Variants in CDIN1 observed in about 807,000 individuals in gnomAD.
The protein encoded by CDIN1 is CDAN1-interacting nuclease 1.
CDIN1 carries 33 observed loss-of-function variants against 45.3 expected under a neutral mutation model. The ratio of observed to expected loss-of-function variants is 0.73; its 90% CI spans 0.55 to 0.97. The LOEUF (loss-of-function observed/expected upper bound fraction) is 0.97. Among genes scored for constraint, CDIN1 ranks in the 50% least tolerant of loss-of-function variants. The pLI, the probability that CDIN1 is intolerant of heterozygous loss-of-function variation, is 0.00. For synonymous variants in CDIN1, 118 were observed against 124.4 expected (o/e 0.95, Z 0.34); for missense variants, 303 against 339.4 (o/e 0.89, Z 0.84).
At chr15:36,672,092 A>C (rs1305208817) in intron 5 of CDIN1, among the ~76,000 whole-genome samples, 1 of 152,122 alleles carries the variant, frequency 6.6e-6, no homozygotes, top group Non-Finnish European at 1.5e-5. Context: ...TTGCTTTGGC[A>C]TAAAAAGTGG....
At chr15:36,741,629 G>GT (rs2044242752) in intron 10 of CDIN1, among the ~76,000 whole-genome samples, 1 of 152,112 alleles carries the variant, frequency 6.6e-6, no homozygotes, top group South Asian at 2.1e-4. Context: ...TGACATCAAA[G>GT]TATCGGCAGG....
chr15:36,806,167 AT>A (rs2055219722), intron 10 of CDIN1, among the ~76,000 whole-genome samples: 1 of 152,194 alleles, frequency 6.6e-6, no homozygotes, highest in Non-Finnish European at 1.5e-5. Context: ...CAGGTTCACA[AT>A]CTTGCAAAAC....
chr15:36,585,166 T>G (rs1169628469), intron 1 of CDIN1, among the ~76,000 whole-genome samples: 2 of 152,238 alleles, frequency 1.3e-5, no homozygotes, highest in Admixed American at 1.3e-4. Context: ...AATTTTAAGC[T>G]TGCAGAAAAG....
At chr15:36,610,615 T>C (rs1230238633) in intron 1 of CDIN1, among the ~76,000 whole-genome samples, 1 of 152,176 alleles carries the variant, frequency 6.6e-6, no homozygotes, top group Non-Finnish European at 1.5e-5. Flanking sequence ...GCTTTATGTG[T>C]AAGTGATAAT....
chr15:36,606,770 C>G (rs1395174970), intron 1 of CDIN1, among the ~76,000 whole-genome samples: 1 of 152,150 alleles, frequency 6.6e-6, no homozygotes, highest in African/African-American at 2.4e-5. Context: ...AGTCACTATT[C>G]CCTTAACCTC....
chr15:36,803,126 T>G (rs2055104565), intron 10 of CDIN1, among the ~76,000 whole-genome samples: 1 of 151,762 alleles, frequency 6.6e-6, no homozygotes, highest in African/African-American at 2.4e-5. Context: ...TGACAAAGTG[T>G]TCTCCCTGTA....
intron 10 of CDIN1, among the ~76,000 whole-genome samples, chr15:36,711,510 G>A (rs775076857): frequency 2.6e-5 from 4 of 152,196 alleles, no homozygotes; most frequent in Non-Finnish European, 4.4e-5. Flanking sequence ...AGGGATTATT[G>A]ACATGCCTGG....
chr15:36,761,782 G>A (rs770347322), intron 10 of CDIN1, among the ~76,000 whole-genome samples: 4 of 152,088 alleles, frequency 2.6e-5, no homozygotes, highest in Non-Finnish European at 5.9e-5. Context: ...AATTTTTTAG[G>A]ACATTAACTA....
chr15:36,741,785 G>A (rs944715988), intron 10 of CDIN1, among the ~76,000 whole-genome samples: 6 of 151,984 alleles, frequency 3.9e-5, no homozygotes, highest in Non-Finnish European at 8.8e-5. Context: ...CATTCAATTA[G>A]GGACACCCTA....
chr15:36,618,955 G>C, intron 1 of CDIN1: 2 of 1,553,252 alleles, frequency 1.3e-6, no homozygotes, highest in Non-Finnish European at 1.8e-6. Context: ...AAGTTATGCT[G>C]AAGTGTGCCA....
At chr15:36,701,117 GGTAGGTAGATAGATAGA>G (rs1566912535) in intron 8 of CDIN1, among the ~76,000 whole-genome samples, 13 of 67,170 alleles carry the variant, frequency 1.9e-4, no homozygotes, top group African/African-American at 7.7e-4. Flanking sequence ...TAGATAGATA[GGTAGGTAGATAGATAGA>G]TAGATAGATA....
chr15:36,680,387 T>C (rs2041808070), intron 5 of CDIN1, among the ~76,000 whole-genome samples: 1 of 152,204 alleles, frequency 6.6e-6, no homozygotes, highest in Admixed American at 6.5e-5. Flanking sequence ...CTGAACTTAT[T>C]ACTAAAGGGC....
chr15:36,664,237 T>C (rs1215520106), intron 5 of CDIN1, among the ~76,000 whole-genome samples: 1 of 152,198 alleles, frequency 6.6e-6, no homozygotes, highest in African/African-American at 2.4e-5. Context: ...AGAAGAGTTT[T>C]ATAAATGTGG....
chr15:36,784,030 A>T (rs1361338671), intron 10 of CDIN1, among the ~76,000 whole-genome samples: 2 of 152,240 alleles, frequency 1.3e-5, no homozygotes, highest in Admixed American at 6.5e-5. Context: ...ACGTAAAGCA[A>T]ATAAGGAATA....
At chr15:36,654,949 G>A (rs749974787) in intron 4 of CDIN1, among the ~76,000 whole-genome samples, 6 of 152,216 alleles carry the variant, frequency 3.9e-5, no homozygotes, top group Non-Finnish European at 7.3e-5. Context: ...TCGTAGGGAT[G>A]GAATGAAATG....
chr15:36,728,550 CTTTTT>C (rs373887720), intron 10 of CDIN1, among the ~76,000 whole-genome samples: 2 of 138,936 alleles, frequency 1.4e-5, no homozygotes, highest in Admixed American at 7.2e-5. Flanking sequence ...GTTTTTCTTC[CTTTTT>C]TTTTTTTTTT....
At chr15:36,748,099 C>G (rs1012007609) in intron 10 of CDIN1, among the ~76,000 whole-genome samples, 13 of 152,094 alleles carry the variant, frequency 8.5e-5, no homozygotes, top group Non-Finnish European at 1.6e-4. Flanking sequence ...ATTTGTATGA[C>G]CTGGGGCAAA....
intron 8 of CDIN1, among the ~76,000 whole-genome samples, chr15:36,698,073 T>C (rs2042501750): frequency 6.6e-6 from 1 of 152,200 alleles, no homozygotes; most frequent in African/African-American, 2.4e-5. Context: ...CATTTTATTA[T>C]TATACAGATC....
At position 36,808,457 on chromosome 15, in the gene CDIN1, T is replaced by C; in HGVS notation, c.*4T>C. ...CTTATGCCACAGCATAGCTTGACCCTGAAGATCCTGGAAGAGAAGCTGGGA... is the reference window on the plus strand; with the variant it reads ...CTTATGCCACAGCATAGCTTGACCCCGAAGATCCTGGAAGAGAAGCTGGGA... On this transcript the variant is annotated 3_prime_UTR_variant, in exon 11 of 11. Coordinates refer to ENST00000566621, the MANE Select transcript of CDIN1 (RefSeq NM_001321759.2). 4 of 1,613,166 alleles carry C rather than the reference T, an allele frequency of 2.5e-6. No homozygotes were observed. Among genetic ancestry groups the C allele is most frequent in the Non-Finnish European group, 3.4e-6 (4 of 1,179,416 alleles).
Sources: allele counts gnomAD v4.1 joint callset (sites outside exome capture counted in the v4.1 genomes callset), GRCh38; gene constraint gnomAD v4.1.1; transcripts MANE v1.5; gene names NCBI Gene and HGNC (gene_info 2026-07-23, HGNC 2026-07-21).